Variants in PCDHGA4 observed in about 807,000 individuals in gnomAD.
PCDHGA4 encodes protocadherin gamma-A4.
In PCDHGA4, 38 loss-of-function variants were observed where a neutral mutation model predicts 54.6. That is an observed-to-expected ratio of 0.70 (90% CI 0.54 to 0.91). The LOEUF (loss-of-function observed/expected upper bound fraction) is 0.91, where lower values mean the gene tolerates loss of function less well. PCDHGA4 is among the 40% of genes least tolerant of loss of function. The probability of loss-of-function intolerance (pLI) is 0.00; values close to 1 mark genes in which losing one functional copy is unlikely to be tolerated. For synonymous variants in PCDHGA4, 511 were observed against 512.9 expected, an observed-to-expected ratio of 1.00 and a Z score of 0.05; for missense variants, 1,298 against 1,220.9, an observed-to-expected ratio of 1.06 and a Z score of -0.94.
At chr5:141,478,468 C>A (rs2099457906) in intron 1 of PCDHGA4, 2 of 1,613,800 alleles carry the variant, frequency 1.2e-6, no homozygotes, top group Admixed American at 1.7e-5. Flanking sequence ...CACTGGCCAG[C>A]CGCCAGAACA....
chr5:141,490,833 G>C lies in PCDHGA4; in HGVS notation c.2515-3974G>C, dbSNP rs781529579. ...ACTATGAATTGCTGCAGATGCTGCA[G>C]ATTGTGGTGGGGGTTCGAGACTCCG... On this transcript the variant is annotated intron_variant, in intron 1 of 3. Coordinates refer to ENST00000571252, the MANE Select transcript of PCDHGA4 (RefSeq NM_018917.4). This position sits in a 1 kb window ranked among gnomAD's most constrained non-coding sequence, Gnocchi z 5.4. The C allele has an allele frequency of 6.2e-7, 1 of 1,613,932 alleles. No homozygotes were observed. Among genetic ancestry groups the C allele is most frequent in the East Asian group, 2.2e-5 (1 of 44,884 alleles).
At position 141,490,524 on chromosome 5, in the gene PCDHGA4, T is replaced by C. The variant is rs1197866164; in HGVS notation, c.2515-4283T>C. The C allele has an allele frequency of 1.2e-6, 2 of 1,613,990 alleles. No homozygotes were observed. Among genetic ancestry groups the C allele is most frequent in the Non-Finnish European group, 1.7e-6 (2 of 1,180,018 alleles). On this transcript the variant is annotated intron_variant, in intron 1 of 3. Transcript: ENST00000571252. The surrounding 1 kb of genome is among the most constrained non-coding windows in gnomAD (Gnocchi z 5.4). ...ATATCATCGAGCTGCTGGCCAGCGA[T>C]GCTGGTTCACCTTCCCTACACAAAC...
chr5:141,392,750 G>A lies in PCDHGA4; in HGVS notation c.2514+35129G>A, dbSNP rs561923783. On this transcript the variant is annotated intron_variant, in intron 1 of 3. Coordinates refer to ENST00000571252, the MANE Select transcript of PCDHGA4 (RefSeq NM_018917.4). ...ATTGTCATCTCCATAGCTGCGGCAAGAAACTAAATAAGACCCATTTATGCA... is the reference window on the plus strand; with the variant it reads ...ATTGTCATCTCCATAGCTGCGGCAAAAAACTAAATAAGACCCATTTATGCA... 25 of 1,451,824 alleles carry A rather than the reference G, an allele frequency of 1.7e-5. No homozygotes were observed. In the Admixed American group the frequency reaches 4.2e-4, roughly 24 times the overall value. The allele number at this position is 1,451,824 out of a possible 1,614,324, so 89.9% of individuals were successfully genotyped here.
At position 141,359,638 on chromosome 5, in the gene PCDHGA4, AAAG is replaced by A. The variant is rs1370085055; in HGVS notation, c.2514+2021_2514+2023del. ...GTATGTTGTATGCTTACATTTGTGT[AAAG>A]AAGGAGACAGAATATTTATAAAAAT... On this transcript the variant is annotated intron_variant, in intron 1 of 3. Coordinates refer to ENST00000571252, the MANE Select transcript of PCDHGA4 (RefSeq NM_018917.4). Among the ~76,000 whole-genome samples, 20 of 152,050 alleles carry A rather than the reference AAAG, an allele frequency of 1.3e-4. No individual in the cohort carries two copies. The East Asian group carries it at 1.5e-3, about 12-fold the overall frequency.
At chr5:141,500,026 T>G (rs1297397353) in intron 2 of PCDHGA4, among the ~76,000 whole-genome samples, 1 of 151,974 alleles carries the variant, frequency 6.6e-6, no homozygotes, top group Non-Finnish European at 1.5e-5. Flanking sequence ...TATATTTGAG[T>G]GAGTGTCTCT....
intron 3 of PCDHGA4, among the ~76,000 whole-genome samples, chr5:141,510,538 G>A (rs1423013528): frequency 1.3e-5 from 2 of 152,216 alleles, no homozygotes; most frequent in East Asian, 1.9e-4. Context: ...AAATACCAGC[G>A]AATGTGTTTT....
chr5:141,393,430 C>T, intron 1 of PCDHGA4: 1 of 1,614,040 alleles, frequency 6.2e-7, no homozygotes, highest in Non-Finnish European at 8.5e-7. Context: ...GAGGAAGAGG[C>T]TGCTCACCAC....
intron 1 of PCDHGA4, chr5:141,475,949 G>A: frequency 1.3e-6 from 1 of 758,910 alleles, no homozygotes; most frequent in South Asian, 1.9e-5. Flanking sequence ...TCCCCTTTCT[G>A]CGCCCCGGGA....
In PCDHGA4 at chr5:141,476,374, GTTTGTGAACGACCGTC is replaced by G. The variant is rs1424626307; in HGVS notation, c.2515-18431_2515-18416del. 1 of 1,614,060 alleles carries G rather than the reference GTTTGTGAACGACCGTC, an allele frequency of 6.2e-7. No individual in the cohort carries two copies. The highest frequency in any genetic ancestry group is 1.3e-5 in the African/African-American group (1 of 74,922). Reference sequence around the variant, plus strand: ...AGGTGAACCGGGAGACCGGAGAGATGTTTGTGAACGACCGTCTGGATCGAGAGGAGCTGTGTGGGAC... The same window carrying G: ...AGGTGAACCGGGAGACCGGAGAGATGTGGATCGAGAGGAGCTGTGTGGGAC... On this transcript the variant is annotated intron_variant, in intron 1 of 3. Coordinates refer to ENST00000571252, the MANE Select transcript of PCDHGA4 (RefSeq NM_018917.4). The surrounding 1 kb of genome is among the most constrained non-coding windows in gnomAD (Gnocchi z 7.6).
chr5:141,368,992 C>T (rs1228600699), intron 1 of PCDHGA4, among the ~76,000 whole-genome samples: 4 of 152,202 alleles, frequency 2.6e-5, no homozygotes, highest in South Asian at 2.1e-4. Context: ...AAGGTGAATT[C>T]GGTGTGGAAC....
chr5:141,370,632 G>A (rs1393089776), intron 1 of PCDHGA4: 15 of 1,613,802 alleles, frequency 9.3e-6, no homozygotes, highest in Non-Finnish European at 1.3e-5. Context: ...CGTGAGCCCC[G>A]AAAATGGGAA....
Position 141,399,568 on chromosome 5 carries a change from G to A in PCDHGA4, c.2514+41947G>A, listed in dbSNP as rs776963716. ...CTCGGACCTGGACTTGGGGTTGAAC[G>A]GCCAAGTCTCCTACTCTATCATGGC... is the stretch of plus-strand genomic sequence containing the variant. On this transcript the variant is annotated intron_variant, in intron 1 of 3. Transcript: ENST00000571252. The A allele has an allele frequency of 3.1e-6, 5 of 1,613,926 alleles. No individual in the cohort carries two copies. The East Asian group carries it at 8.9e-5, about 29-fold the overall frequency.
intron 1 of PCDHGA4, chr5:141,389,060 A>G (rs1164665785): frequency 3.7e-6 from 6 of 1,614,010 alleles, no homozygotes; most frequent in Non-Finnish European, 4.2e-6. Context: ...CATTTAAAAT[A>G]TTAACTTCTT....
chr5:141,388,480 C>T (rs751470350), intron 1 of PCDHGA4: 3 of 1,613,758 alleles, frequency 1.9e-6, no homozygotes, highest in Non-Finnish European at 2.5e-6. Flanking sequence ...TTGAAGACAC[C>T]TTTGGACAGA....
chr5:141,497,689 A>G (rs951295378), intron 2 of PCDHGA4, among the ~76,000 whole-genome samples: 1 of 151,958 alleles, frequency 6.6e-6, no homozygotes, highest in African/African-American at 2.4e-5. Flanking sequence ...GCAGGTGTGC[A>G]CCACCACACC....
chr5:141,491,908 G>A lies in PCDHGA4; in HGVS notation c.2515-2899G>A. ...GGGGCTCCGAGCACCGGGGGTGGTG[G>A]CGACTGTGGGCGAGGGGAGGTGGGA... On this transcript the variant is annotated intron_variant, in intron 1 of 3. Transcript: ENST00000571252. The surrounding 1 kb of genome is among the most constrained non-coding windows in gnomAD (Gnocchi z 6.9). The A allele has an allele frequency of 7.1e-7, 1 of 1,408,288 alleles. No individual in the cohort carries two copies. Among genetic ancestry groups the A allele is most frequent in the East Asian group, 2.5e-5 (1 of 39,276 alleles). The allele number at this position is 1,408,288 out of a possible 1,614,324, so 87.2% of individuals were successfully genotyped here. A position where few individuals can be genotyped will look rare whatever the true frequency, so the allele number is the denominator to read the frequency against.
At position 141,489,063 on chromosome 5, in the gene PCDHGA4, C is replaced by A; in HGVS notation, c.2515-5744C>A. ...CTCCACTCAAATTCAGCTCCCCTCC[C>A]CCCTGCCCACCCCCGCCACTCGGTG... On this transcript the variant is annotated intron_variant, in intron 1 of 3. Coordinates refer to ENST00000571252, the MANE Select transcript of PCDHGA4 (RefSeq NM_018917.4). This position sits in a 1 kb window ranked among gnomAD's most constrained non-coding sequence, Gnocchi z 4.5. 2.6e-6 allele frequency: 1 copy of A among 384,986 alleles called. No individual in the cohort carries two copies. Among genetic ancestry groups the A allele is most frequent in the East Asian group, 4.5e-5 (1 of 22,374 alleles). 23.8% of individuals were successfully genotyped at this position (384,986 alleles called of 1,614,324 possible). A position where few individuals can be genotyped will look rare whatever the true frequency, so the allele number is the denominator to read the frequency against.
At chr5:141,497,245 G>T (rs779763574) in intron 2 of PCDHGA4, among the ~76,000 whole-genome samples, 2 of 152,138 alleles carry the variant, frequency 1.3e-5, no homozygotes, top group Non-Finnish European at 2.9e-5. Flanking sequence ...TCTAGGAGGA[G>T]GTGACATTGA....
chr5:141,355,151 C>A lies in PCDHGA4; in HGVS notation c.44C>A (p.Ala15Asp). Reference protein sequence around the residue: ...LDPEDPGAPQASTEGKPKHRR... With the variant: ...LDPEDPGAPQDSTEGKPKHRR... Reference sequence around the variant, plus strand: ...CCAGAAGATCCTGGGGCTCCTCAGGCCTCGACAGAGGGAAAACCGAAGCAC... The same window carrying A: ...CCAGAAGATCCTGGGGCTCCTCAGGACTCGACAGAGGGAAAACCGAAGCAC... The change falls in exon 1 of 4, where the codon GCC becomes GAC. Residue 15 changes from alanine (A) to aspartate (D), a missense_variant. Transcript: ENST00000571252. 6.5e-7 allele frequency: 1 copy of A among 1,548,600 alleles called. No individual in the cohort carries two copies. Among genetic ancestry groups the A allele is most frequent in the Middle Eastern group, 2.4e-4 (1 of 4,106 alleles).
Sources: allele counts gnomAD v4.1 joint callset (sites outside exome capture counted in the v4.1 genomes callset), GRCh38; gene constraint gnomAD v4.1.1; non-coding constraint Gnocchi (gnomAD v3.1); transcripts MANE v1.5; gene names NCBI Gene and HGNC (gene_info 2026-07-23, HGNC 2026-07-21).